CECR2: variants seen among roughly 807,000 people sequenced by gnomAD.
The protein encoded by CECR2 is CECR2 histone acetyl-lysine reader, also known as chromatin remodeling regulator CECR2.
CECR2 carries 30 observed loss-of-function variants against 154.5 expected under a neutral mutation model. The ratio of observed to expected loss-of-function variants is 0.19; its 90% CI spans 0.15 to 0.26. The LOEUF is 0.26. Among genes scored for constraint, CECR2 ranks in the 10% least tolerant of loss-of-function variants. CECR2 has a pLI of 1.00. For missense variants in CECR2, 1,743 were observed against 1,829.3 expected (o/e 0.95, Z 0.86); for synonymous variants, 725 against 683.7 (o/e 1.06, Z -0.94).
At chr22:17,366,618 G>A (rs1200313180), upstream of CECR2, among the ~76,000 whole-genome samples, 2 of 152,158 alleles carry the variant, frequency 1.3e-5, no homozygotes, top group Non-Finnish European at 2.9e-5. Context: ...CCTATTGGTA[G>A]GGGGTCATTA....
At chr22:17,470,512 C>T (rs183320150) in intron 1 of CECR2, among the ~76,000 whole-genome samples, 313 of 152,262 alleles carry the variant, frequency 2.1e-3, no homozygotes, top group African/African-American at 7.2e-3. Flanking sequence ...AGATGAAGTC[C>T]CACGTTAAAC....
In CECR2 at chr22:17,422,707, C is replaced by CT. The variant is rs952515241; in HGVS notation, c.126+52808dup. 6.9e-3 allele frequency among the ~76,000 whole-genome samples: 1,022 copies of CT among 147,956 alleles called. 12 individuals carry two copies. The highest frequency in any genetic ancestry group is 0.023 in the African/African-American group (920 of 40,324). On this transcript the variant is annotated intron_variant, in intron 1 of 18. Coordinates refer to ENST00000262608, the MANE Select transcript of CECR2 (RefSeq NM_001290047.2). ...GGGTATTATCTTCTGTTTTTTTGGT[C>CT]TTTTTTTTTTCCCTTTGGTTTTCAG... is the stretch of plus-strand genomic sequence containing the variant.
At chr22:17,541,512 C>T (rs1193995744) in intron 14 of CECR2, among the ~76,000 whole-genome samples, 1 of 152,160 alleles carries the variant, frequency 6.6e-6, no homozygotes, top group Non-Finnish European at 1.5e-5. Flanking sequence ...CATGAATGTA[C>T]AGTATATCTG....
intron 1 of CECR2, among the ~76,000 whole-genome samples, chr22:17,410,883 C>CCTT (rs1201000586): frequency 6.6e-6 from 1 of 152,160 alleles, no homozygotes; most frequent in Non-Finnish European, 1.5e-5. Context: ...TCTAGAGCTA[C>CCTT]AGAAGGTAAA....
At chr22:17,432,464 G>C (rs1465308938) in intron 1 of CECR2, among the ~76,000 whole-genome samples, 1 of 152,066 alleles carries the variant, frequency 6.6e-6, no homozygotes, top group African/African-American at 2.4e-5. Context: ...TGTGCTCCTA[G>C]GTTTTTATTT....
chr22:17,368,760 C>A (rs2063019187), upstream of CECR2, among the ~76,000 whole-genome samples: 1 of 152,114 alleles, frequency 6.6e-6, no homozygotes, highest in African/African-American at 2.4e-5. Flanking sequence ...TTCTCCGGGG[C>A]GGTCACACGT....
intron 1 of CECR2, among the ~76,000 whole-genome samples, chr22:17,377,335 A>G (rs539666716): frequency 6.6e-6 from 1 of 152,228 alleles, no homozygotes; most frequent in South Asian, 2.1e-4. Context: ...CATGTTCACT[A>G]TCTCTAGTGT....
Position 17,492,238 on chromosome 22 carries a change from A to G in CECR2, c.222-5165A>G, listed in dbSNP as rs1764896869. ...CTCCATTCTGGGAAGCCTGGTGCCA[A>G]ACCTTTATTGCTCCCCTGTAGAGAG... On this transcript the variant is annotated intron_variant, in intron 2 of 18. Transcript: ENST00000262608. Among the ~76,000 whole-genome samples the G allele has an allele frequency of 3.3e-5, 5 of 152,182 alleles. No homozygotes were observed. The South Asian group carries it at 1.0e-3, about 32-fold the overall frequency.
Position 17,542,828 on chromosome 22 carries a change from C to T in CECR2, c.2685C>T (p.Val895=). The T allele has an allele frequency of 6.2e-7, 1 of 1,613,926 alleles. No homozygotes were observed. The stretch of plus-strand genomic sequence containing the variant: ...CGATGCAGCAGCTCTCCTCCCGCGT[C>T]TGCCCCCCAGGTGTGCCTTACCACC... ...MIAMQQLSSR[V]CPPGVPYHPH... The change falls in exon 16 of 19, where the codon GTC becomes GTT. Residue 895 remains valine, a synonymous_variant. Coordinates refer to ENST00000262608, the MANE Select transcript of CECR2 (RefSeq NM_001290047.2).
At chr22:17,399,058 T>C (rs2053854268) in intron 1 of CECR2, among the ~76,000 whole-genome samples, 1 of 152,152 alleles carries the variant, frequency 6.6e-6, no homozygotes. Flanking sequence ...GATTCAGCAT[T>C]TGAGCAAGGT....
chr22:17,542,415 C>G lies in CECR2; in HGVS notation c.2272C>G (p.His758Asp). Residue 758 changes from histidine to aspartate, a missense_variant, in exon 16 of 19, where the codon CAT becomes GAT. Transcript: ENST00000262608. Reference protein sequence around the residue: ...FPESSEIPPSHMYRSYKYLNR... With the variant: ...FPESSEIPPSDMYRSYKYLNR... Reference sequence around the variant, plus strand: ...TGAAAGCTCAGAAATTCCTCCCAGCCATATGTATCGATCGTACAAGTACCT... The same window carrying G: ...TGAAAGCTCAGAAATTCCTCCCAGCGATATGTATCGATCGTACAAGTACCT... 6.2e-7 allele frequency: 1 copy of G among 1,613,924 alleles called. No individual in the cohort carries two copies. Among genetic ancestry groups the G allele is most frequent in the Non-Finnish European group, 8.5e-7 (1 of 1,179,876 alleles).
At chr22:17,381,836 G>T (rs527468881) in intron 1 of CECR2, among the ~76,000 whole-genome samples, 1 of 152,088 alleles carries the variant, frequency 6.6e-6, no homozygotes, top group Admixed American at 6.6e-5. Context: ...GCTTCTGGGG[G>T]TCATGCTGAG....
At chr22:17,543,258 G>A (rs554104143) in intron 16 of CECR2, among the ~76,000 whole-genome samples, 297 of 152,086 alleles carry the variant, frequency 2.0e-3, no homozygotes, top group African/African-American at 6.6e-3. Context: ...TCAGCCTCCC[G>A]AGTGTCTGGG....
intron 1 of CECR2, among the ~76,000 whole-genome samples, chr22:17,450,159 G>A (rs1418964976): frequency 3.3e-5 from 5 of 152,176 alleles, no homozygotes; most frequent in Non-Finnish European, 4.4e-5. Flanking sequence ...TTCTAACAGG[G>A]AATCTGAACA....
At chr22:17,430,109 A>T (rs980546333) in intron 1 of CECR2, among the ~76,000 whole-genome samples, 1 of 152,162 alleles carries the variant, frequency 6.6e-6, no homozygotes, top group South Asian at 2.1e-4. Context: ...TAATTGGTAC[A>T]TTGGAACTTG....
chr22:17,458,242 C>G (rs530469003), intron 1 of CECR2, among the ~76,000 whole-genome samples: 1 of 152,002 alleles, frequency 6.6e-6, no homozygotes, highest in Non-Finnish European at 1.5e-5. Flanking sequence ...TGGTGAAACC[C>G]CATCTCTACT....
chr22:17,398,953 C>T (rs2053852663), intron 1 of CECR2, among the ~76,000 whole-genome samples: 1 of 152,180 alleles, frequency 6.6e-6, no homozygotes, highest in African/African-American at 2.4e-5. Context: ...ATTGGGCTCC[C>T]TCTGAGGTCC....
At position 17,552,021 on chromosome 22, in the gene CECR2, G is replaced by A. The variant is rs145704261; in HGVS notation, c.4278-10G>A. ...ATTAATTCTTCATTGCTTCTTTCTC[G>A]TGGCTGTAGAATGCAGATGCACCCG... On this transcript the variant is annotated splice_polypyrimidine_tract_variant and intron_variant, in intron 17 of 18. Transcript: ENST00000262608. 2.2e-4 allele frequency: 361 copies of A among 1,612,582 alleles called. 1 individual carries two copies. The highest frequency in any genetic ancestry group is 4.9e-4 in the East Asian group (22 of 44,868).
intron 1 of CECR2, among the ~76,000 whole-genome samples, chr22:17,370,273 C>T (rs1188496257): frequency 1.4e-5 from 2 of 148,006 alleles, no homozygotes; most frequent in South Asian, 2.1e-4. Context: ...CGCTCGCCGC[C>T]CGGTGCCATT....
Sources: allele counts gnomAD v4.1 joint callset (sites outside exome capture counted in the v4.1 genomes callset), GRCh38; gene constraint gnomAD v4.1.1; transcripts MANE v1.5; gene names NCBI Gene and HGNC (gene_info 2026-07-23, HGNC 2026-07-21).